C12orf42: variants seen among roughly 807,000 people sequenced by gnomAD.
C12orf42 encodes uncharacterized protein C12orf42.
In C12orf42, 25 loss-of-function variants were observed where a neutral mutation model predicts 21.6. The observed-to-expected ratio is 1.16, with a 90% CI of 0.84 to 1.62. The LOEUF is 1.62. C12orf42 is among the 40% of genes most tolerant of loss of function. The pLI is 0.00. For missense variants in C12orf42, 483 were observed against 459.3 expected (o/e 1.05, Z -0.47); for synonymous variants, 174 against 175.0 (o/e 0.99, Z 0.05).
chr12:103,237,461 T>C (rs979383493), downstream of C12orf42: 1 of 152,216 alleles, frequency 6.6e-6, no homozygotes, highest in African/African-American at 2.4e-5. Flanking sequence ...TGGCTCATTA[T>C]TTGTAAAATA....
the C12orf42 span, among the ~76,000 whole-genome samples, chr12:103,099,301 T>C: frequency 1.3e-5 from 2 of 152,238 alleles, no homozygotes; most frequent in Non-Finnish European, 2.9e-5. Context: ...ACTGAACAAT[T>C]ATTGAGCATT....
intron 2 of C12orf42, among the ~76,000 whole-genome samples, chr12:103,425,150 G>A (rs547368032): frequency 6.6e-6 from 1 of 152,296 alleles, no homozygotes; most frequent in Admixed American, 6.5e-5. Context: ...CTCACCTCTG[G>A]GTAGGGAATC....
chr12:103,548,728 A>G, the C12orf42 span: 4 of 152,348 alleles, frequency 2.6e-5, no homozygotes, highest in South Asian at 2.1e-4. Flanking sequence ...ATTAACGTAT[A>G]CAATTAAAGA....
chr12:103,211,295 AATTAGGACCTCATC>A, the C12orf42 span, among the ~76,000 whole-genome samples: 265 of 152,264 alleles, frequency 1.7e-3, no homozygotes, highest in Non-Finnish European at 9.0e-4. Flanking sequence ...AATCCTATCT[AATTAGGACCTCATC>A]ATTAGGACCT....
chr12:103,434,657 C>T (rs538841778), intron 2 of C12orf42, among the ~76,000 whole-genome samples: 27 of 152,246 alleles, frequency 1.8e-4, no homozygotes, highest in African/African-American at 5.8e-4. Flanking sequence ...CCTGGAAAAT[C>T]GGGTCACTCC....
chr12:103,270,213 G>T (rs1370714744), intron 5 of C12orf42: 1 of 152,138 alleles, frequency 6.6e-6, no homozygotes, highest in African/African-American at 2.4e-5. Context: ...CAGAAAAGGA[G>T]GGGGGTAAGG....
intron 1 of C12orf42, among the ~76,000 whole-genome samples, chr12:103,482,217 C>T (rs548627169): frequency 7.0e-4 from 106 of 152,202 alleles, no homozygotes; most frequent in Non-Finnish European, 1.3e-3. Flanking sequence ...TAAGGAAAAT[C>T]CTTTACAATC....
chr12:103,214,788 C>T, the C12orf42 span, among the ~76,000 whole-genome samples: 1 of 152,134 alleles, frequency 6.6e-6, no homozygotes, highest in East Asian at 1.9e-4. Context: ...ATCACTATTT[C>T]TGTTGCATCT....
At chr12:103,382,493 C>T (rs1566200194) in intron 3 of C12orf42, among the ~76,000 whole-genome samples, 2 of 152,180 alleles carry the variant, frequency 1.3e-5, no homozygotes, top group South Asian at 4.1e-4. Flanking sequence ...AAACCCCTGG[C>T]CTTAGCCCAT....
chr12:103,282,731 C>T (rs2036213815), intron 4 of C12orf42, among the ~76,000 whole-genome samples: 1 of 152,186 alleles, frequency 6.6e-6, no homozygotes, highest in Non-Finnish European at 1.5e-5. Context: ...GTACGTAAAG[C>T]AGAAGGTCAG....
chr12:103,501,983 A>C, the C12orf42 span, among the ~76,000 whole-genome samples: 1 of 152,248 alleles, frequency 6.6e-6, no homozygotes, highest in African/African-American at 2.4e-5. Context: ...GCAATAACAA[A>C]GAAAGTACCT....
the C12orf42 span, among the ~76,000 whole-genome samples, chr12:103,516,507 G>A: frequency 1.3e-5 from 2 of 152,194 alleles, no homozygotes; most frequent in South Asian, 2.1e-4. Context: ...CCACATGGCT[G>A]GAGAGGCCTC....
Position 103,389,332 on chromosome 12 carries a change from A to T in C12orf42, c.147+12275T>A, listed in dbSNP as rs558361373. On this transcript the variant is annotated intron_variant, in intron 3 of 5. Coordinates refer to ENST00000548883, the MANE Select transcript of C12orf42 (RefSeq NM_198521.5). ...ATTTGACTATATGCAAAATATCATT[A>T]AAGAGTCAGATCCACAATGACTCTG... 2.6e-5 allele frequency among the ~76,000 whole-genome samples: 4 copies of T among 152,352 alleles called. No individual in the cohort carries two copies. In the East Asian group the frequency reaches 5.8e-4, roughly 22 times the overall value.
chr12:103,186,807 A>G, the C12orf42 span, among the ~76,000 whole-genome samples: 1 of 152,158 alleles, frequency 6.6e-6, no homozygotes, highest in South Asian at 2.1e-4. Context: ...CATTATTATT[A>G]TAAGATGTAG....
the C12orf42 span, among the ~76,000 whole-genome samples, chr12:103,118,998 G>T: frequency 6.6e-6 from 1 of 151,852 alleles, no homozygotes; most frequent in Non-Finnish European, 1.5e-5. Flanking sequence ...CCTCTCCTAC[G>T]GTAATTATTA....
At chr12:103,524,379 C>A in the C12orf42 span, among the ~76,000 whole-genome samples, 1 of 152,142 alleles carries the variant, frequency 6.6e-6, no homozygotes, top group Non-Finnish European at 1.5e-5. Context: ...CCTTGAGGCA[C>A]ACAGAGGTGG....
chr12:103,371,882 C>A (rs560137232), intron 3 of C12orf42, among the ~76,000 whole-genome samples: 65 of 152,232 alleles, frequency 4.3e-4, no homozygotes, highest in African/African-American at 1.3e-3. Context: ...ACTATTACCC[C>A]AATTTTACAG....
intron 4 of C12orf42, among the ~76,000 whole-genome samples, chr12:103,349,771 T>C (rs1407014590): frequency 6.6e-6 from 1 of 152,152 alleles, no homozygotes; most frequent in South Asian, 2.1e-4. Flanking sequence ...CACATGGAAA[T>C]ACAATGGTAA....
At chr12:103,066,961 T>A in the C12orf42 span, among the ~76,000 whole-genome samples, 1 of 152,144 alleles carries the variant, frequency 6.6e-6, no homozygotes, top group Non-Finnish European at 1.5e-5. Context: ...GTGGCCATGG[T>A]GGCAGGGATG....
Sources: allele counts gnomAD v4.1 joint callset (sites outside exome capture counted in the v4.1 genomes callset), GRCh38; gene constraint gnomAD v4.1.1; transcripts MANE v1.5; gene names NCBI Gene and HGNC (gene_info 2026-07-23, HGNC 2026-07-21).